Variants in PTPRD observed in about 807,000 individuals in gnomAD.
The protein encoded by PTPRD is receptor-type tyrosine-protein phosphatase delta.
PTPRD carries 34 observed loss-of-function variants against 214.5 expected under a neutral mutation model. The observed-to-expected ratio is 0.16, with a 90% confidence interval of 0.12 to 0.21. The LOEUF is 0.21. Among genes scored for constraint, PTPRD ranks in the 10% least tolerant of loss-of-function variants. The probability of loss-of-function intolerance (pLI) is 1.00; values close to 1 mark genes in which losing one functional copy is unlikely to be tolerated. For missense variants in PTPRD, 2,545 were observed against 2,398.7 expected, an observed-to-expected ratio of 1.06 and a Z score of -1.27; for synonymous variants, 1,128 against 845.7, an observed-to-expected ratio of 1.33 and a Z score of -5.79.
intron 5 of PTPRD, among the ~76,000 whole-genome samples, chr9:9,858,954 C>G (rs909874225): frequency 2.6e-5 from 4 of 152,178 alleles, no homozygotes; most frequent in Non-Finnish European, 4.4e-5. Flanking sequence ...CGGTTTGGCT[C>G]TGTGCCCCCA....
At chr9:8,468,113 G>C (rs1048440069) in intron 31 of PTPRD, among the ~76,000 whole-genome samples, 2 of 152,004 alleles carry the variant, frequency 1.3e-5, no homozygotes, top group African/African-American at 4.8e-5. Context: ...CTTATAGGAA[G>C]TAATTCACAA....
intron 14 of PTPRD, among the ~76,000 whole-genome samples, chr9:8,618,907 T>C (rs1345973003): frequency 1.0e-5 from 1 of 96,334 alleles, no homozygotes; most frequent in Non-Finnish European, 1.9e-5. Context: ...TTTGTCTGTG[T>C]TTTTTTGTTT....
At chr9:8,365,907 G>A (rs1296416957) in intron 39 of PTPRD, among the ~76,000 whole-genome samples, 1 of 152,108 alleles carries the variant, frequency 6.6e-6, no homozygotes, top group Non-Finnish European at 1.5e-5. Flanking sequence ...GAAGATCCAT[G>A]TCCTGCCCCA....
At position 8,316,531 on chromosome 9, in the gene PTPRD, A is replaced by ACAACT; in HGVS notation, c.*1338_*1342dup. 4.3e-6 allele frequency: 1 copy of ACAACT among 230,500 alleles called. No homozygotes were observed. The allele number at this position is 230,500 out of a possible 1,614,324, so 14.3% of individuals were successfully genotyped here. ...ATACGATTGAATACACTTTTTTTAA[A>ACAACT]CAACTCGATAGCTGATATATTACAA... On this transcript the variant is annotated 3_prime_UTR_variant, in exon 46 of 46. Transcript: ENST00000381196.
At chr9:9,176,617 G>C (rs573625701) in intron 10 of PTPRD, among the ~76,000 whole-genome samples, 1 of 152,252 alleles carries the variant, frequency 6.6e-6, no homozygotes, top group South Asian at 2.1e-4. Flanking sequence ...TAAGCCATGA[G>C]GCCTCTGCCC....
intron 10 of PTPRD, among the ~76,000 whole-genome samples, chr9:9,060,387 G>A (rs1034450877): frequency 2.0e-5 from 3 of 151,950 alleles, no homozygotes; most frequent in Admixed American, 6.6e-5. Flanking sequence ...TAATGTTATA[G>A]GTAAAACAAA....
At chr9:9,685,695 C>T (rs949760774) in intron 7 of PTPRD, among the ~76,000 whole-genome samples, 1 of 150,708 alleles carries the variant, frequency 6.6e-6, no homozygotes, top group African/African-American at 2.4e-5. Flanking sequence ...AGTAATAAGT[C>T]ACCATTACCC....
rs541485634 is a variant in PTPRD at position 10,297,878 on chromosome 9, T to C, written c.-545+43085A>G. 3.3e-5 allele frequency among the ~76,000 whole-genome samples: 5 copies of C among 152,142 alleles called. No homozygotes were observed. In the East Asian group the frequency reaches 9.7e-4, roughly 29 times the overall value. On this transcript the variant is annotated intron_variant, in intron 3 of 45. Transcript: ENST00000381196. ...CTTGCAAACATTTCAGACATAGAAA[T>C]AAGGCATTTCCAAGGCACCCTTCAT...
chr9:8,836,984 G>C lies in PTPRD; in HGVS notation c.-103-103038C>G, dbSNP rs1461365103. ...TAACCCACCCATCCCCCCACCATTT[G>C]GGGAAGAGTCTAGATTACAGGCGTG... On this transcript the variant is annotated intron_variant, in intron 11 of 45. Coordinates refer to ENST00000381196, the MANE Select transcript of PTPRD (RefSeq NM_002839.4). Among the ~76,000 whole-genome samples, 3 of 149,502 alleles carry C rather than the reference G, an allele frequency of 2.0e-5. No homozygotes were observed. In the East Asian group the frequency reaches 6.0e-4, roughly 30 times the overall value.
At chr9:8,682,130 C>A (rs1453788596) in intron 12 of PTPRD, among the ~76,000 whole-genome samples, 1 of 152,146 alleles carries the variant, frequency 6.6e-6, no homozygotes, top group African/African-American at 2.4e-5. Context: ...TCAGTACAAG[C>A]TAACCACACA....
chr9:9,238,226 A>C (rs117812834), intron 9 of PTPRD, among the ~76,000 whole-genome samples: 2,586 of 152,106 alleles, frequency 0.017, 45 homozygotes, highest in Middle Eastern at 0.031. Flanking sequence ...CTCAGGTCTG[A>C]AGCTCTGCTG....
intron 14 of PTPRD, among the ~76,000 whole-genome samples, chr9:8,562,144 T>G (rs2086648125): frequency 1.3e-5 from 2 of 152,132 alleles, no homozygotes. Context: ...CAGATTCTGA[T>G]TTTCCCATTT....
At chr9:8,774,726 G>T (rs1448363440) in intron 11 of PTPRD, among the ~76,000 whole-genome samples, 3 of 151,776 alleles carry the variant, frequency 2.0e-5, no homozygotes, top group East Asian at 1.9e-4. Context: ...TAGAGACGGG[G>T]TTTCTCCATG....
chr9:10,528,399 A>C (rs1333186410), intron 2 of PTPRD, among the ~76,000 whole-genome samples: 1 of 152,126 alleles, frequency 6.6e-6, no homozygotes, highest in African/African-American at 2.4e-5. Context: ...AAATGCTTCA[A>C]ACAGTACCTG....
At chr9:8,919,840 G>A (rs868034221) in intron 11 of PTPRD, among the ~76,000 whole-genome samples, 43 of 145,082 alleles carry the variant, frequency 3.0e-4, no homozygotes, top group Non-Finnish European at 5.9e-4. Context: ...GCATACATAC[G>A]TGCATGTATC....
At chr9:9,891,707 G>C (rs932062563) in intron 5 of PTPRD, among the ~76,000 whole-genome samples, 1 of 151,996 alleles carries the variant, frequency 6.6e-6, no homozygotes, top group African/African-American at 2.4e-5. Context: ...CTATTTATAA[G>C]TTGAGAAATA....
At chr9:10,205,891 G>A (rs1454690406) in intron 3 of PTPRD, among the ~76,000 whole-genome samples, 1 of 152,056 alleles carries the variant, frequency 6.6e-6, no homozygotes, top group East Asian at 1.9e-4. Context: ...TTGCAAAGAT[G>A]TTGATTGAAT....
chr9:9,765,082 G>C (rs757938941), intron 6 of PTPRD, among the ~76,000 whole-genome samples: 1 of 152,088 alleles, frequency 6.6e-6, no homozygotes, highest in East Asian at 1.9e-4. Context: ...GTGCACGTCA[G>C]CTGGCTTATT....
chr9:8,677,945 G>C (rs2097464609), intron 12 of PTPRD, among the ~76,000 whole-genome samples: 1 of 152,096 alleles, frequency 6.6e-6, no homozygotes, highest in Non-Finnish European at 1.5e-5. Flanking sequence ...TTGTATCTCA[G>C]CCTCTGCTGG....
Sources: allele counts gnomAD v4.1 joint callset (sites outside exome capture counted in the v4.1 genomes callset), GRCh38; gene constraint gnomAD v4.1.1; transcripts MANE v1.5; gene names NCBI Gene and HGNC (gene_info 2026-07-23, HGNC 2026-07-21).